Variants in ABCC1 observed in about 807,000 individuals in gnomAD.
ABCC1 encodes multidrug resistance-associated protein 1.
In ABCC1, 83 loss-of-function variants were observed where a neutral mutation model predicts 172.9. The observed-to-expected ratio is 0.48, with a 90% CI of 0.40 to 0.58. The LOEUF (loss-of-function observed/expected upper bound fraction) is 0.58. ABCC1 is among the 20% of genes least tolerant of loss of function. ABCC1 has a pLI of 0.00. For missense variants in ABCC1, 1,817 were observed against 2,002.7 expected, an observed-to-expected ratio of 0.91 and a Z score of 1.77; for synonymous variants, 937 against 825.2, an observed-to-expected ratio of 1.14 and a Z score of -2.32.
At position 16,141,239 on chromosome 16, in the gene ABCC1, A is replaced by T; in HGVS notation, c.4554A>T (p.Arg1518Ser). The T allele has an allele frequency of 1.9e-6, 3 of 1,614,086 alleles. No homozygotes were observed. The highest frequency in any genetic ancestry group is 2.5e-6 in the Non-Finnish European group (3 of 1,180,030). The stretch of plus-strand genomic sequence containing the variant: ...CCCCATCGGACCTCCTGCAGCAGAG[A>T]GGTCTTTTCTACAGCATGGCCAAAG... ...YGAPSDLLQQRGLFYSMAKDA... is the reference protein window; with the variant it reads ...YGAPSDLLQQSGLFYSMAKDA... The change falls in exon 31 of 31, where the codon AGA becomes AGT. Residue 1518 changes from arginine (R) to serine (S), a missense_variant. By Grantham distance (110) the Arg-to-Ser change is moderately radical (BLOSUM62 -1). This residue lies in a region of ABCC1 where 1,412 missense variants were observed against 1,600.3 expected (regional missense o/e 0.88). Coordinates refer to ENST00000399410, the MANE Select transcript of ABCC1 (RefSeq NM_004996.4).
intron 19 of ABCC1, among the ~76,000 whole-genome samples, chr16:16,096,816 G>C (rs958676205): frequency 6.6e-6 from 1 of 152,048 alleles, no homozygotes; most frequent in Non-Finnish European, 1.5e-5. Context: ...GTGGGTCAAG[G>C]GTAGAAACAG....
rs371105838 is a variant in ABCC1 at position 16,111,387 on chromosome 16, G to T, written c.2884G>T (p.Val962Leu). ...CTGTGATCTCCAGGTCAAGCTTTCC[G>T]TGTACTGGGACTACATGAAGGCCAT... ...KAQTGQVKLS[V>L]YWDYMKAIGL... The change falls in exon 22 of 31, where the codon GTG becomes TTG. Residue 962 changes from valine to leucine, a missense_variant. Coordinates refer to ENST00000399410, the MANE Select transcript of ABCC1 (RefSeq NM_004996.4). The T allele has an allele frequency of 6.2e-7, 1 of 1,614,054 alleles. No homozygotes were observed. The highest frequency in any genetic ancestry group is 1.1e-5 in the South Asian group (1 of 91,080).
At chr16:15,961,298 G>T (rs1309161115) in intron 1 of ABCC1, among the ~76,000 whole-genome samples, 1 of 152,198 alleles carries the variant, frequency 6.6e-6, no homozygotes, top group Non-Finnish European at 1.5e-5. Flanking sequence ...TTCGTAAGAT[G>T]ATGAGGTACT....
chr16:16,009,416 T>G (rs1014620862), intron 2 of ABCC1, among the ~76,000 whole-genome samples: 1 of 152,184 alleles, frequency 6.6e-6, no homozygotes, highest in Non-Finnish European at 1.5e-5. Flanking sequence ...ACTGGTTGAA[T>G]GAATGGTTGT....
At chr16:16,132,189 A>AT (rs918381197) in intron 27 of ABCC1, among the ~76,000 whole-genome samples, 5 of 151,994 alleles carry the variant, frequency 3.3e-5, no homozygotes, top group African/African-American at 7.2e-5. Flanking sequence ...GTTTTGGAAG[A>AT]TTTTTTGTTG....
At position 16,014,412 on chromosome 16, in the gene ABCC1, G is replaced by A. The variant is rs587783373; in HGVS notation, c.352-79G>A. 2.0e-5 allele frequency: 31 copies of A among 1,516,826 alleles called. No homozygotes were observed. The Middle Eastern group carries it at 6.5e-4, about 32-fold the overall frequency. The allele number at this position is 1,516,826 out of a possible 1,614,324, so 94.0% of individuals were successfully genotyped here. A position where few individuals can be genotyped will look rare whatever the true frequency, so the allele number is the denominator to read the frequency against. On this transcript the variant is annotated intron_variant, in intron 3 of 30. Coordinates refer to ENST00000399410, the MANE Select transcript of ABCC1 (RefSeq NM_004996.4). ...AAGTGAGCTGAGATTGCACCACTGC[G>A]CTCCAGCCTGGGTGACAAGAGTGAA...
At chr16:16,094,358 C>T (rs2051379170) in intron 19 of ABCC1, 3 of 253,258 alleles carry the variant, frequency 1.2e-5, no homozygotes, top group Admixed American at 8.3e-5. Flanking sequence ...GACCTTGTGG[C>T]CAGCCCCACT....
chr16:15,967,768 A>C (rs1433543091), intron 1 of ABCC1, among the ~76,000 whole-genome samples: 1 of 145,196 alleles, frequency 6.9e-6, no homozygotes, highest in East Asian at 2.0e-4. Context: ...CAAAAAAAAA[A>C]AAAACAACAA....
chr16:15,961,046 A>G (rs912041527), intron 1 of ABCC1, among the ~76,000 whole-genome samples: 2 of 127,982 alleles, frequency 1.6e-5, no homozygotes, highest in Non-Finnish European at 3.2e-5. Flanking sequence ...GGGTCTTGCT[A>G]TGCTGCTCAG....
At chr16:15,981,315 GGCCC>G (rs2046615213) in intron 1 of ABCC1, among the ~76,000 whole-genome samples, 1 of 152,216 alleles carries the variant, frequency 6.6e-6, no homozygotes, top group African/African-American at 2.4e-5. Flanking sequence ...TGGGGCCTCT[GGCCC>G]CACATTTGCC....
chr16:16,016,578 T>C lies in ABCC1; in HGVS notation c.572T>C (p.Phe191Ser), dbSNP rs376236417. 6.2e-6 allele frequency: 10 copies of C among 1,614,180 alleles called. No homozygotes were observed. Among genetic ancestry groups the C allele is most frequent in the Non-Finnish European group, 8.5e-6 (10 of 1,180,026 alleles). The stretch of plus-strand genomic sequence containing the variant: ...CTCATTCAGCTCGTCTTGTCCTGTT[T>C]CTCAGATCGCTCACCCCTGTTCTCG... ...LLLIQLVLSCFSDRSPLFSET... is the reference protein window; with the variant it reads ...LLLIQLVLSCSSDRSPLFSET... Residue 191 changes from phenylalanine to serine, a missense_variant, in exon 5 of 31, where the codon TTC (phenylalanine) becomes TCC (serine). Around this residue, in one of 3 missense-constraint regions of ABCC1, gnomAD observed 398 missense variants for 384.2 expected, o/e 1.04. Transcript: ENST00000399410.
At chr16:16,108,074 T>G (rs2052215694) in intron 21 of ABCC1, among the ~76,000 whole-genome samples, 1 of 151,930 alleles carries the variant, frequency 6.6e-6, no homozygotes, top group Non-Finnish European at 1.5e-5. Flanking sequence ...CGCCTTACCC[T>G]TAGTGACCCT....
intron 7 of ABCC1, among the ~76,000 whole-genome samples, chr16:16,038,044 G>A (rs1300244662): frequency 1.1e-5 from 1 of 93,840 alleles, no homozygotes; most frequent in Non-Finnish European, 2.0e-5. Context: ...AGAACTAGTA[G>A]GATGGATGGA....
At chr16:16,036,428 G>T (rs1486548187) in intron 6 of ABCC1, 44 bp from the exon 7 acceptor site, 1 of 1,583,564 alleles carries the variant, frequency 6.3e-7, no homozygotes, top group South Asian at 1.1e-5. Context: ...CCCTCCTCCT[G>T]TCATTGACTC....
intron 2 of ABCC1, among the ~76,000 whole-genome samples, chr16:16,008,319 T>C (rs2047631995): frequency 6.6e-6 from 1 of 151,850 alleles, no homozygotes; most frequent in African/African-American, 2.4e-5. Context: ...ACTGAGCCGA[T>C]CTCCTTTTTA....
chr16:16,097,227 C>T lies in ABCC1; in HGVS notation c.2645-5400C>T, dbSNP rs149402484. ...TCCTGGGTCCAAGTGATTCTCCTGC[C>T]GCAACCTCCCAAGTAGCTGGGATTA... On this transcript the variant is annotated intron_variant, in intron 19 of 30. Transcript: ENST00000399410. Among the ~76,000 whole-genome samples, 55 of 152,246 alleles carry T rather than the reference C, an allele frequency of 3.6e-4. No homozygotes were observed. The East Asian group carries it at 9.9e-3, about 27-fold the overall frequency.
At chr16:15,960,911 C>T (rs1158365114) in intron 1 of ABCC1, among the ~76,000 whole-genome samples, 5 of 151,854 alleles carry the variant, frequency 3.3e-5, no homozygotes, top group Admixed American at 3.3e-4. Flanking sequence ...AGGGAAGGCG[C>T]TTACCAGCTC....
chr16:15,949,611 GCGC>G (rs554094723), upstream of ABCC1: 1,327 of 163,548 alleles, frequency 8.1e-3, 14 homozygotes, highest in African/African-American at 0.027. Flanking sequence ...CCGGCTCCCT[GCGC>G]CGCCGCCGCC....
chr16:16,049,455 C>T (rs1014447783), intron 10 of ABCC1, among the ~76,000 whole-genome samples: 1 of 152,164 alleles, frequency 6.6e-6, no homozygotes, highest in Non-Finnish European at 1.5e-5. Context: ...CAAAGAGGCT[C>T]ATAGCACAAC....
Sources: gnomAD v4.1 joint callset for allele counts (sites outside exome capture counted in the v4.1 genomes callset) on GRCh38, gnomAD v4.1.1 for gene constraint, gnomAD v4.1.1 regional missense constraint, MANE v1.5 for transcripts, NCBI Gene and HGNC (gene_info 2026-07-23, HGNC 2026-07-21) for gene names.